CHN1: variants seen among roughly 807,000 people sequenced by gnomAD.
The protein encoded by CHN1 is N-chimaerin.
A neutral mutation model predicts 59.5 loss-of-function variants in CHN1; 37 were observed. That is an observed-to-expected ratio of 0.62 (90% CI 0.48 to 0.82). CHN1 has a LOEUF of 0.82. Ranked by LOEUF, CHN1 falls within the 40% of genes least tolerant of loss-of-function variation. CHN1 has a pLI of 0.00. For missense variants in CHN1, 469 were observed against 571.0 expected (o/e 0.82, Z 1.82); for synonymous variants, 206 against 200.4 (o/e 1.03, Z -0.24).
At chr2:174,826,019 A>T in intron 7 of CHN1, among the ~76,000 whole-genome samples, 1 of 152,232 alleles carries the variant, frequency 6.6e-6, no homozygotes, top group East Asian at 1.9e-4. Context: ...AAATATCCAT[A>T]TAAAGCTGCA....
At chr2:174,881,818 G>A (rs1379995566) in intron 5 of CHN1, among the ~76,000 whole-genome samples, 1 of 152,126 alleles carries the variant, frequency 6.6e-6, no homozygotes, top group Non-Finnish European at 1.5e-5. Flanking sequence ...AAATAGAGTG[G>A]GAAGACAACA....
intron 7 of CHN1, among the ~76,000 whole-genome samples, chr2:174,833,678 CT>C (rs913491136): frequency 3.3e-5 from 5 of 152,004 alleles, no homozygotes; most frequent in African/African-American, 9.7e-5. Context: ...TCCTTTATTC[CT>C]TTTTTTATGT....
chr2:174,935,423 A>G (rs1056887332), intron 3 of CHN1, among the ~76,000 whole-genome samples: 4 of 152,350 alleles, frequency 2.6e-5, no homozygotes, highest in Non-Finnish European at 4.4e-5. Flanking sequence ...ACATTTTGTA[A>G]GCCATATTAT....
chr2:174,976,459 G>C (rs1690944836), intron 1 of CHN1, among the ~76,000 whole-genome samples: 1 of 151,908 alleles, frequency 6.6e-6, no homozygotes, highest in Non-Finnish European at 1.5e-5. Context: ...GCCTGATCTT[G>C]AACTCCTGAC....
chr2:174,998,600 T>C (rs1371089576), intron 1 of CHN1, among the ~76,000 whole-genome samples: 1 of 152,258 alleles, frequency 6.6e-6, no homozygotes, highest in East Asian at 1.9e-4. Flanking sequence ...TAAAAAACAA[T>C]GAGGTGGCTC....
chr2:174,807,932 G>A (rs1319849923), intron 11 of CHN1, among the ~76,000 whole-genome samples: 1 of 152,130 alleles, frequency 6.6e-6, no homozygotes, highest in Non-Finnish European at 1.5e-5. Flanking sequence ...GACAGAAATA[G>A]CCTATCTTTT....
chr2:174,987,406 CTTT>C (rs893724969), intron 1 of CHN1, among the ~76,000 whole-genome samples: 1 of 140,776 alleles, frequency 7.1e-6, no homozygotes. Context: ...ACTCTTTTTT[CTTT>C]TTTTTTTTTT....
intron 1 of CHN1, among the ~76,000 whole-genome samples, chr2:174,968,638 T>C (rs1373588296): frequency 6.6e-6 from 1 of 152,218 alleles, no homozygotes; most frequent in African/African-American, 2.4e-5. Context: ...AACCAGAATA[T>C]GAAAGATCTG....
intron 8 of CHN1, among the ~76,000 whole-genome samples, chr2:174,814,358 C>A (rs1246049853): frequency 6.6e-6 from 1 of 152,206 alleles, no homozygotes; most frequent in Non-Finnish European, 1.5e-5. Context: ...ACTTCAGAAC[C>A]AAATCCCAAA....
Position 174,877,998 on chromosome 2 carries a change from C to A in CHN1, c.391G>T (p.Ala131Ser). 6.2e-7 allele frequency: 1 copy of A among 1,613,836 alleles called. No homozygotes were observed. The highest frequency in any genetic ancestry group is 2.2e-5 in the East Asian group (1 of 44,866). Reference sequence around the variant, plus strand: ...ATCGTCATCTTGGCAATGTATTCTGCTGCCTTGGTTTCAATATAGAGAGTA... The same window carrying A: ...ATCGTCATCTTGGCAATGTATTCTGATGCCTTGGTTTCAATATAGAGAGTA... ...LITLYIETKA[A>S]EYIAKMTINP... Residue 131 changes from alanine to serine, a missense_variant, in exon 6 of 13, where the codon GCA becomes TCA. Around this residue, in one of 5 missense-constraint regions of CHN1, gnomAD observed 152 missense variants for 166.1 expected, o/e 0.92. Transcript: ENST00000409900.
intron 1 of CHN1, among the ~76,000 whole-genome samples, chr2:174,971,142 C>G (rs1690744824): frequency 6.6e-6 from 1 of 152,058 alleles, no homozygotes; most frequent in South Asian, 2.1e-4. Flanking sequence ...CACGGTGAAA[C>G]CCCGTCTCTA....
intron 3 of CHN1, among the ~76,000 whole-genome samples, chr2:174,918,847 C>T (rs1486756422): frequency 6.6e-6 from 1 of 151,382 alleles, no homozygotes; most frequent in Non-Finnish European, 1.5e-5. Flanking sequence ...TCACTTTATT[C>T]AAGAGTAAAA....
chr2:174,820,398 T>C (rs1222680135), intron 8 of CHN1, among the ~76,000 whole-genome samples: 1 of 152,240 alleles, frequency 6.6e-6, no homozygotes, highest in Non-Finnish European at 1.5e-5. Context: ...GTGGTTTTGA[T>C]TTGCATTTCT....
At position 174,800,182 on chromosome 2, in the gene CHN1, C is replaced by T; in HGVS notation, c.1314G>A (p.Leu438=). The T allele has an allele frequency of 6.5e-7, 1 of 1,533,554 alleles. No homozygotes were observed. Among genetic ancestry groups the T allele is most frequent in the Non-Finnish European group, 8.7e-7 (1 of 1,145,518 alleles). 95.0% of individuals were successfully genotyped at this position (1,533,554 alleles called of 1,614,324 possible). Residue 438 remains leucine, a synonymous_variant, in exon 13 of 13, where the codon TTG becomes TTA. Coordinates refer to ENST00000409900, the MANE Select transcript of CHN1 (RefSeq NM_001822.7). Reference sequence around the variant, plus strand: ...CCAGTCTCTGATACCGTATATCATTCAATGCAGCCATGGCGTCTAGTTCTG... The same window carrying T: ...CCAGTCTCTGATACCGTATATCATTTAATGCAGCCATGGCGTCTAGTTCTG... ...RSPELDAMAA[L]NDIRYQRLVV... is the part of the protein sequence containing the mutation.
chr2:174,853,338 G>GA (rs1211933357), intron 6 of CHN1, among the ~76,000 whole-genome samples: 5 of 152,006 alleles, frequency 3.3e-5, no homozygotes, highest in Admixed American at 6.6e-5. Context: ...ACAAACATAT[G>GA]AAAAAATGCT....
chr2:174,823,570 G>A (rs1055592263), intron 8 of CHN1, among the ~76,000 whole-genome samples: 11 of 152,110 alleles, frequency 7.2e-5, no homozygotes, highest in Non-Finnish European at 1.3e-4. Flanking sequence ...GGCTGAGGCA[G>A]GAGAATGGCC....
chr2:174,844,610 A>G (rs1451355525), intron 7 of CHN1, among the ~76,000 whole-genome samples: 1 of 152,226 alleles, frequency 6.6e-6, no homozygotes, highest in African/African-American at 2.4e-5. Context: ...TGAACTGTAC[A>G]TACATAGATG....
intron 3 of CHN1, among the ~76,000 whole-genome samples, chr2:174,919,057 GA>G (rs1688927974): frequency 1.3e-5 from 2 of 152,056 alleles, no homozygotes; most frequent in Non-Finnish European, 2.9e-5. Flanking sequence ...CTATAGCTAA[GA>G]AAAGTCCCAG....
chr2:174,958,429 T>C (rs1420086047), intron 1 of CHN1, among the ~76,000 whole-genome samples: 1 of 152,108 alleles, frequency 6.6e-6, no homozygotes, highest in Non-Finnish European at 1.5e-5. Context: ...GTGTCAAAAG[T>C]GAGGGAAGTC....
Sources: gnomAD v4.1 joint callset for allele counts (sites outside exome capture counted in the v4.1 genomes callset) on GRCh38, gnomAD v4.1.1 for gene constraint, gnomAD v4.1.1 regional missense constraint, MANE v1.5 for transcripts, NCBI Gene and HGNC (gene_info 2026-07-23, HGNC 2026-07-21) for gene names.